The following SLC12A2 variants were observed in gnomAD, a reference collection of about 807,000 sequenced individuals.
SLC12A2 encodes Na-K-2Cl cotransporter 1.
In SLC12A2, 67 loss-of-function variants were observed where a neutral mutation model predicts 136.3. The observed-to-expected ratio is 0.49, with a 90% CI of 0.40 to 0.60. The LOEUF (loss-of-function observed/expected upper bound fraction) is 0.60, where lower values mean the gene tolerates loss of function less well. SLC12A2 is among the 20% of genes least tolerant of loss of function. The pLI is 0.00. For synonymous variants in SLC12A2, 619 were observed against 562.9 expected (o/e 1.10, Z -1.41); for missense variants, 1,322 against 1,534.7 (o/e 0.86, Z 2.32).
In SLC12A2 at chr5:128,110,213, GA is replaced by G. The variant is rs146316785; in HGVS notation, c.757-2594del. On this transcript the variant is annotated intron_variant, in intron 1 of 26. Transcript: ENST00000262461. Reference sequence around the variant, plus strand: ...ATTTGGCAGACTGGCCTTTGCTTTGGAAAAAAAGAAATCCAATTCAAACATC... The same window carrying G: ...ATTTGGCAGACTGGCCTTTGCTTTGGAAAAAAGAAATCCAATTCAAACATC... The G allele has an allele frequency of 9.0e-4, 730 of 807,074 alleles. 1 individual carries two copies. The African/African-American group carries it at 9.5e-3, about 11-fold the overall frequency. The allele number at this position is 807,074 out of a possible 1,614,324, so 50.0% of individuals were successfully genotyped here.
chr5:128,133,923 GTC>G (rs760329475), intron 5 of SLC12A2, among the ~76,000 whole-genome samples: 6 of 151,866 alleles, frequency 4.0e-5, no homozygotes, highest in Admixed American at 1.3e-4. Flanking sequence ...GATTTATTGA[GTC>G]TATATTAAAT....
At position 128,151,273 on chromosome 5, in the gene SLC12A2, T is replaced by C; in HGVS notation, c.2140T>C (p.Trp714Arg). 1.2e-6 allele frequency: 2 copies of C among 1,608,614 alleles called. No homozygotes were observed. The highest frequency in any genetic ancestry group is 1.7e-6 in the Non-Finnish European group (2 of 1,178,362). ...TCCTGCATTCAAATACTACAACATGTGGATATCACTTCTTGGAGCAATTCT... is the reference window on the plus strand; with the variant it reads ...TCCTGCATTCAAATACTACAACATGCGGATATCACTTCTTGGAGCAATTCT... ...WRPAFKYYNMWISLLGAILCC... is the reference protein window; with the variant it reads ...WRPAFKYYNMRISLLGAILCC... Residue 714 changes from tryptophan (W) to arginine (R), a missense_variant, in exon 14 of 27, where the codon TGG (tryptophan) becomes CGG (arginine). By Grantham distance (101) the Trp-to-Arg change is moderately radical (BLOSUM62 -3). Transcript: ENST00000262461.
intron 4 of SLC12A2, among the ~76,000 whole-genome samples, chr5:128,117,653 C>T (rs1438388608): frequency 1.3e-5 from 2 of 152,132 alleles, no homozygotes; most frequent in Non-Finnish European, 2.9e-5. Flanking sequence ...CTCTTCTAGG[C>T]ATTGGCTTAG....
rs1168346087 is a variant in SLC12A2, at chr5:128,138,860, G to A, written c.1573G>A (p.Ala525Thr). ...QSAIPKGTLLAILITTLVYVG... is the reference protein window; with the variant it reads ...QSAIPKGTLLTILITTLVYVG... ...AGCCATACCCAAAGGAACACTCCTA[G>A]CCATTTTAATTACTACATTGGTTTA... is the stretch of plus-strand genomic sequence containing the variant. The change falls in exon 9 of 27, where the codon GCC becomes ACC. Residue 525 changes from alanine (A) to threonine (T), a missense_variant. By Grantham distance (58) the Ala-to-Thr change is moderately conservative. Around this residue, in one of 8 missense-constraint regions of SLC12A2, gnomAD observed 294 missense variants for 436.6 expected, o/e 0.67. Transcript: ENST00000262461. 1 of 1,613,420 alleles carries A rather than the reference G, an allele frequency of 6.2e-7. No homozygotes were observed.
At chr5:128,143,012 G>C (rs1401045363) in intron 10 of SLC12A2, among the ~76,000 whole-genome samples, 1 of 152,072 alleles carries the variant, frequency 6.6e-6, no homozygotes, top group Non-Finnish European at 1.5e-5. Context: ...TTGGGATTTT[G>C]ATAGGAATTA....
chr5:128,176,454 G>A (rs1283250496), intron 20 of SLC12A2, among the ~76,000 whole-genome samples: 1 of 151,840 alleles, frequency 6.6e-6, no homozygotes, highest in Non-Finnish European at 1.5e-5. Flanking sequence ...AACAAAATGA[G>A]ATTAGGAAAA....
At chr5:128,136,667 C>T (rs899695031) in intron 7 of SLC12A2, among the ~76,000 whole-genome samples, 2 of 152,026 alleles carry the variant, frequency 1.3e-5, no homozygotes, top group African/African-American at 2.4e-5. Flanking sequence ...CTATTTTATT[C>T]GATGTCAGAT....
chr5:128,086,764 A>G (rs1760113775), intron 1 of SLC12A2, among the ~76,000 whole-genome samples: 2 of 152,214 alleles, frequency 1.3e-5, no homozygotes, highest in South Asian at 2.1e-4. Context: ...AGTAGTACAA[A>G]TATGACTATA....
intron 24 of SLC12A2, among the ~76,000 whole-genome samples, chr5:128,183,484 A>G (rs967094114): frequency 6.6e-6 from 1 of 151,946 alleles, no homozygotes; most frequent in African/African-American, 2.4e-5. Context: ...GTAAGGTACA[A>G]TTTGTAAGGT....
At chr5:128,139,525 A>G (rs1460765136) in intron 9 of SLC12A2, among the ~76,000 whole-genome samples, 1 of 152,188 alleles carries the variant, frequency 6.6e-6, no homozygotes, top group Non-Finnish European at 1.5e-5. Context: ...ACCAGTCTCT[A>G]ATCCTTTTCT....
chr5:128,103,079 AGTATT>A (rs1760803938), intron 1 of SLC12A2, among the ~76,000 whole-genome samples: 5 of 152,218 alleles, frequency 3.3e-5, no homozygotes, highest in Admixed American at 1.3e-4. Flanking sequence ...GCTTCATAGA[AGTATT>A]GTATATCTCT....
intron 4 of SLC12A2, among the ~76,000 whole-genome samples, chr5:128,123,566 T>G (rs1761669196): frequency 2.0e-5 from 3 of 152,194 alleles, no homozygotes; most frequent in Non-Finnish European, 4.4e-5. Flanking sequence ...CATTTGTGCT[T>G]CCATAATGGC....
chr5:128,111,211 A>G (rs1188470702), intron 1 of SLC12A2, among the ~76,000 whole-genome samples: 1 of 152,198 alleles, frequency 6.6e-6, no homozygotes, highest in Non-Finnish European at 1.5e-5. Flanking sequence ...ATATATACAC[A>G]CAATTATTGC....
intron 1 of SLC12A2, among the ~76,000 whole-genome samples, chr5:128,085,228 T>C (rs1760054728): frequency 6.6e-6 from 1 of 152,128 alleles, no homozygotes; most frequent in African/African-American, 2.4e-5. Context: ...TAAAGCTCAA[T>C]TCTTGCAATC....
rs565484392 is a variant in SLC12A2 at position 128,188,847 on chromosome 5, G to A, written c.*2216G>A. On this transcript the variant is annotated 3_prime_UTR_variant, in exon 27 of 27. Coordinates refer to ENST00000262461, the MANE Select transcript of SLC12A2 (RefSeq NM_001046.3). ...GAAATATTATTCAGTAAACAATAATGTGTGAACTTTTAAGATGGATAATAG... is the reference window on the plus strand; with the variant it reads ...GAAATATTATTCAGTAAACAATAATATGTGAACTTTTAAGATGGATAATAG... 4.0e-5 allele frequency: 6 copies of A among 151,442 alleles called. 1 individual carries two copies. The South Asian group carries it at 1.3e-3, about 32-fold the overall frequency. 9.4% of individuals were successfully genotyped at this position (151,442 alleles called of 1,614,324 possible).
chr5:128,161,959 A>G (rs1763053587), intron 17 of SLC12A2, among the ~76,000 whole-genome samples, 159 bp downstream of exon 17: 1 of 152,240 alleles, frequency 6.6e-6, no homozygotes, highest in African/African-American at 2.4e-5. Flanking sequence ...TGGCTAGTTC[A>G]GTCAGTAAAG....
intron 1 of SLC12A2, chr5:128,110,282 A>G: frequency 1.2e-6 from 1 of 812,322 alleles, no homozygotes; most frequent in Non-Finnish European, 2.2e-6. Flanking sequence ...TTCCAAGGAT[A>G]TCGTGATGCC....
intron 4 of SLC12A2, among the ~76,000 whole-genome samples, chr5:128,121,112 CAG>C (rs1446493809): frequency 6.6e-6 from 1 of 152,032 alleles, no homozygotes; most frequent in Non-Finnish European, 1.5e-5. Flanking sequence ...TTGGCTTTAA[CAG>C]TACATTTTAG....
chr5:128,091,297 A>T (rs1164500142), intron 1 of SLC12A2, among the ~76,000 whole-genome samples: 2 of 152,166 alleles, frequency 1.3e-5, no homozygotes, highest in African/African-American at 4.8e-5. Context: ...CAGGTTTGGG[A>T]GATGGACTCA....
Sources: gnomAD v4.1 joint callset for allele counts (sites outside exome capture counted in the v4.1 genomes callset) on GRCh38, gnomAD v4.1.1 for gene constraint, gnomAD v4.1.1 regional missense constraint, MANE v1.5 for transcripts, NCBI Gene and HGNC (gene_info 2026-07-23, HGNC 2026-07-21) for gene names.